Variants in MLN observed in about 807,000 individuals in gnomAD.
The protein encoded by MLN is motilin.
Under a neutral mutation model 13.3 loss-of-function variants are expected in MLN, and 14 were observed. That is an observed-to-expected ratio of 1.05 (90% CI 0.69 to 1.64). MLN has a LOEUF of 1.64. Ranked by LOEUF, MLN falls within the 40% of genes most tolerant of loss-of-function variation. The pLI is 0.00. For missense variants in MLN, 122 were observed against 142.9 expected (o/e 0.85, Z 0.75); for synonymous variants, 59 against 54.7 (o/e 1.08, Z -0.34).
At chr6:33,796,053 G>A (rs1290024282) in intron 3 of MLN, among the ~76,000 whole-genome samples, 1 of 148,004 alleles carries the variant, frequency 6.8e-6, no homozygotes, top group Non-Finnish European at 1.5e-5. Flanking sequence ...TCCGCCTCCC[G>A]GGTTCACGCC....
chr6:33,799,024 T>G lies in MLN; in HGVS notation c.234+81A>C. 6 of 963,324 alleles carry G rather than the reference T, an allele frequency of 6.2e-6. No individual in the cohort carries two copies. Among genetic ancestry groups the G allele is most frequent in the Non-Finnish European group, 9.8e-6 (6 of 614,946 alleles). The allele number at this position is 963,324 out of a possible 1,614,324, so 59.7% of individuals were successfully genotyped here. On this transcript the variant is annotated intron_variant, in intron 3 of 4. Transcript: ENST00000430124. The surrounding 1 kb of genome is among the most constrained non-coding windows in gnomAD (Gnocchi z 4.6). ...GGACACTCTGAGGCTCACTGTGGCT[T>G]GTGGGCTCTGCCTCCAGGCCAGGCA...
At position 33,797,542 on chromosome 6, in the gene MLN, G is replaced by A. The variant is rs559972250; in HGVS notation, c.234+1563C>T. On this transcript the variant is annotated intron_variant, in intron 3 of 4. Coordinates refer to ENST00000430124, the MANE Select transcript of MLN (RefSeq NM_002418.3). ...CTCTGTCTCCATGAGTGGCAAATCC[G>A]TCTTTCAGTTGTTCTGGCCCAAACC... 3.9e-5 allele frequency among the ~76,000 whole-genome samples: 6 copies of A among 152,262 alleles called. No homozygotes were observed. The East Asian group carries it at 5.8e-4, about 15-fold the overall frequency.
intron 4 of MLN, 118 bp downstream of exon 4, chr6:33,795,385 A>G (rs1767889083): frequency 1.3e-6 from 1 of 773,224 alleles, no homozygotes; most frequent in South Asian, 1.6e-5. Flanking sequence ...AGACGGCTCC[A>G]CATTCTCAAG....
rs1460398425 is a variant in MLN, at chr6:33,794,736, G to A, written c.*89C>T. 7 of 1,515,952 alleles carry A rather than the reference G, an allele frequency of 4.6e-6. No homozygotes were observed. The highest frequency in any genetic ancestry group is 2.0e-5 in the Admixed American group (1 of 51,052). 93.9% of individuals were successfully genotyped at this position (1,515,952 alleles called of 1,614,324 possible). ...TTTGGAAAGGGTGTTTTCCTTCCAA[G>A]CCCAGCTGGCAGGCTCTGTAAATTC... is the stretch of plus-strand genomic sequence containing the variant. On this transcript the variant is annotated 3_prime_UTR_variant, in exon 5 of 5. Transcript: ENST00000430124.
At chr6:33,802,604 C>A (rs1262084223) in intron 1 of MLN, among the ~76,000 whole-genome samples, 2 of 152,232 alleles carry the variant, frequency 1.3e-5, no homozygotes, top group Non-Finnish European at 2.9e-5. Flanking sequence ...CTCTCTTCTT[C>A]CCACTTCCTA....
At position 33,801,139 on chromosome 6, in the gene MLN, C is replaced by T. The variant is rs1481517158; in HGVS notation, c.25G>A (p.Ala9Thr). 2 of 1,613,936 alleles carry T rather than the reference C, an allele frequency of 1.2e-6. No individual in the cohort carries two copies. Among genetic ancestry groups the T allele is most frequent in the Admixed American group, 1.7e-5 (1 of 60,014 alleles). MVSRKAVA[A>T]LLVVHVAAML... ...GCAGCTACATGCACCACCAGCAGAG[C>T]AGCCACAGCCTTACGGGATACCATC... The change falls in exon 2 of 5, where the codon GCT (alanine) becomes ACT (threonine). Residue 9 changes from alanine to threonine, a missense_variant. Physicochemically the swap from Ala to Thr is moderately conservative, Grantham distance 58. Coordinates refer to ENST00000430124, the MANE Select transcript of MLN (RefSeq NM_002418.3).
chr6:33,798,044 CCTTGTGGTTCATGCCTTGCTCT>C (rs1276541654), intron 3 of MLN, among the ~76,000 whole-genome samples: 1 of 152,206 alleles, frequency 6.6e-6, no homozygotes, highest in Non-Finnish European at 1.5e-5. Context: ...CCCCAGAAAT[CCTTGTGGTTCATGCCTTGCTCT>C]CTTCTGGTCT....
chr6:33,800,186 G>A (rs1768010887), intron 2 of MLN, among the ~76,000 whole-genome samples: 1 of 152,174 alleles, frequency 6.6e-6, no homozygotes, highest in Admixed American at 6.5e-5. Flanking sequence ...AGACCTCCCT[G>A]GGCACTAACT....
chr6:33,796,028 C>T (rs1268542872), intron 3 of MLN, among the ~76,000 whole-genome samples: 5 of 147,630 alleles, frequency 3.4e-5, no homozygotes, highest in Non-Finnish European at 7.4e-5. Context: ...GGCGCGATCT[C>T]GGCTCACTGC....
intron 3 of MLN, among the ~76,000 whole-genome samples, chr6:33,796,317 A>T (rs1382455616): frequency 1.3e-5 from 2 of 151,570 alleles, no homozygotes; most frequent in East Asian, 1.9e-4. Context: ...GGCCGCACAG[A>T]TGGTAAGGAG....
intron 3 of MLN, among the ~76,000 whole-genome samples, chr6:33,796,349 C>T (rs563945964): frequency 6.6e-6 from 1 of 151,422 alleles, no homozygotes; most frequent in East Asian, 1.9e-4. Flanking sequence ...GACGGTACAC[C>T]CAAGGGGCCT....
In MLN at chr6:33,799,541, A is replaced by G. The variant is rs952138232; in HGVS notation, c.118-320T>C. On this transcript the variant is annotated intron_variant, in intron 2 of 4. Coordinates refer to ENST00000430124, the MANE Select transcript of MLN (RefSeq NM_002418.3). The surrounding 1 kb of genome is among the most constrained non-coding windows in gnomAD (Gnocchi z 4.6). ...AAGCTGAAAATAATGCCTGCCCTTCATGCATATTAAGTGTGAAAATGTGTC... is the reference window on the plus strand; with the variant it reads ...AAGCTGAAAATAATGCCTGCCCTTCGTGCATATTAAGTGTGAAAATGTGTC... 6.6e-6 allele frequency among the ~76,000 whole-genome samples: 1 copy of G among 152,214 alleles called. No homozygotes were observed. Among genetic ancestry groups the G allele is most frequent in the Non-Finnish European group, 1.5e-5 (1 of 68,034 alleles).
Position 33,794,714 on chromosome 6 carries a change from G to T in MLN, c.*111C>A. 7.9e-7 allele frequency: 1 copy of T among 1,265,588 alleles called. No homozygotes were observed. Among genetic ancestry groups the T allele is most frequent in the Non-Finnish European group, 1.1e-6 (1 of 913,730 alleles). The allele number at this position is 1,265,588 out of a possible 1,614,324, so 78.4% of individuals were successfully genotyped here. A position where few individuals can be genotyped will look rare whatever the true frequency, so the allele number is the denominator to read the frequency against. The stretch of plus-strand genomic sequence containing the variant: ...TATTTGCTGGAGGGGAATTTGCTTT[G>T]GAAAGGGTGTTTTCCTTCCAAGCCC... On this transcript the variant is annotated 3_prime_UTR_variant, in exon 5 of 5. Transcript: ENST00000430124.
In MLN at chr6:33,796,691, A is replaced by G. The variant is rs1052841680; in HGVS notation, c.235-1086T>C. Among the ~76,000 whole-genome samples the G allele has an allele frequency of 6.6e-5, 10 of 152,326 alleles. No individual in the cohort carries two copies. The East Asian group carries it at 1.9e-3, about 29-fold the overall frequency. On this transcript the variant is annotated intron_variant, in intron 3 of 4. Transcript: ENST00000430124. ...AAGGGCATCTGAAGGGCCCCAGTCC[A>G]GTTCTGCCTGTGCCGTTCCCAGCTG...
In MLN at chr6:33,794,783, A is replaced by T. The variant is rs1767869171; in HGVS notation, c.*42T>A. 1 of 1,611,900 alleles carries T rather than the reference A, an allele frequency of 6.2e-7. No homozygotes were observed. Among genetic ancestry groups the T allele is most frequent in the African/African-American group, 1.3e-5 (1 of 74,982 alleles). On this transcript the variant is annotated 3_prime_UTR_variant, in exon 5 of 5. Transcript: ENST00000430124. ...ATTCCCAGGGCCTCACTTGGGCAGGAGGGGCCTCCCAAATCTGTCCACCTT... is the reference window on the plus strand; with the variant it reads ...ATTCCCAGGGCCTCACTTGGGCAGGTGGGGCCTCCCAAATCTGTCCACCTT...
rs184248343 is a variant in MLN at position 33,800,408 on chromosome 6, C to A, written c.117+639G>T. Among the ~76,000 whole-genome samples the A allele has an allele frequency of 2.0e-3, 297 of 152,228 alleles. 1 individual carries two copies. The highest frequency in any genetic ancestry group is 6.7e-3 in the African/African-American group (280 of 41,560). ...AGTTCCATGAGGCCTGCCTTTTTTT[C>A]TTCTGGGCCCTAAAGAGGAGGCTTT... On this transcript the variant is annotated intron_variant, in intron 2 of 4. Transcript: ENST00000430124.
At chr6:33,800,262 TCTC>T (rs1366308833) in intron 2 of MLN, among the ~76,000 whole-genome samples, 3 of 152,138 alleles carry the variant, frequency 2.0e-5, no homozygotes, top group Non-Finnish European at 2.9e-5. Flanking sequence ...CCTTTCTTCA[TCTC>T]CTTAGGTTAA....
intron 3 of MLN, among the ~76,000 whole-genome samples, chr6:33,795,841 G>A (rs1465838721): frequency 6.6e-6 from 1 of 152,092 alleles, no homozygotes; most frequent in Admixed American, 6.5e-5. Context: ...TAACGGGGAA[G>A]CTGGGACAGG....
At chr6:33,801,009 C>T in intron 2 of MLN, 38 bp downstream of exon 2, 1 of 1,490,940 alleles carries the variant, frequency 6.7e-7, no homozygotes, top group Non-Finnish European at 9.4e-7. Flanking sequence ...ATAGTGACCT[C>T]AGCCTTGCTA....
Sources: gnomAD v4.1 joint callset for allele counts (sites outside exome capture counted in the v4.1 genomes callset) on GRCh38, gnomAD v4.1.1 for gene constraint, Gnocchi (gnomAD v3.1) non-coding constraint, MANE v1.5 for transcripts, NCBI Gene and HGNC (gene_info 2026-07-23, HGNC 2026-07-21) for gene names.